GALNTL6: variants seen among roughly 807,000 people sequenced by gnomAD.
GALNTL6 encodes the protein polypeptide N-acetylgalactosaminyltransferase-like 6.
GALNTL6 carries 46 observed loss-of-function variants against 73.7 expected under a neutral mutation model. That is an observed-to-expected ratio of 0.62 (90% CI 0.49 to 0.80). GALNTL6 has a LOEUF of 0.80. GALNTL6 is among the 30% of genes least tolerant of loss of function. The probability of loss-of-function intolerance (pLI) is 0.00; values close to 1 mark genes in which losing one functional copy is unlikely to be tolerated. For missense variants in GALNTL6, 604 were observed against 755.0 expected (o/e 0.80, Z 2.34); for synonymous variants, 259 against 263.7 (o/e 0.98, Z 0.17).
chr4:172,770,459 T>A (rs1336962453), intron 5 of GALNTL6, among the ~76,000 whole-genome samples: 1 of 152,164 alleles, frequency 6.6e-6, no homozygotes, highest in East Asian at 1.9e-4. Context: ...ATGTTCAGGC[T>A]GCTATATCAG....
rs1248077137 is a variant in GALNTL6, at chr4:171,991,730, GTATATA to G, written c.138+177033_138+177038del. ...TGATTATATGTGTGTGTGTGTGTGT[GTATATA>G]TATATATATATATATATATACACAT... is the stretch of plus-strand genomic sequence containing the variant. On this transcript the variant is annotated intron_variant, in intron 2 of 12. Coordinates refer to ENST00000506823, the MANE Select transcript of GALNTL6 (RefSeq NM_001034845.3). 9.0e-4 allele frequency among the ~76,000 whole-genome samples: 88 copies of G among 98,158 alleles called. 1 individual carries two copies. Among genetic ancestry groups the G allele is most frequent in the African/African-American group, 4.6e-3 (80 of 17,256 alleles). The allele number at this position is 98,158 out of a possible 152,430, so 64.4% of individuals were successfully genotyped here. A position where few individuals can be genotyped will look rare whatever the true frequency, so the allele number is the denominator to read the frequency against.
chr4:172,647,325 C>G, intron 5 of GALNTL6, among the ~76,000 whole-genome samples: 1 of 152,074 alleles, frequency 6.6e-6, no homozygotes, highest in Non-Finnish European at 1.5e-5. Flanking sequence ...GGACACAGCT[C>G]AGGCCTCGAC....
At chr4:172,282,847 AAAAC>A (rs1272017067) in intron 3 of GALNTL6, among the ~76,000 whole-genome samples, 1 of 152,194 alleles carries the variant, frequency 6.6e-6, no homozygotes, top group Non-Finnish European at 1.5e-5. Context: ...CAAAGAAACA[AAAAC>A]AAACAGGAGA....
At chr4:172,948,782 T>C (rs73870318) in intron 9 of GALNTL6, among the ~76,000 whole-genome samples, 5,834 of 152,116 alleles carry the variant, frequency 0.038, 253 homozygotes, top group African/African-American at 0.1. Context: ...TTTGGAGTGT[T>C]TGAGAAATCA....
chr4:172,771,240 T>C (rs147839737), intron 5 of GALNTL6, among the ~76,000 whole-genome samples: 1 of 152,306 alleles, frequency 6.6e-6, no homozygotes, highest in African/African-American at 2.4e-5. Context: ...AAAACTTGCC[T>C]GAGATAATCT....
At chr4:172,312,738 G>C (rs886697311) in intron 4 of GALNTL6, among the ~76,000 whole-genome samples, 2 of 152,224 alleles carry the variant, frequency 1.3e-5, no homozygotes, top group South Asian at 4.1e-4. Flanking sequence ...AAAAATATCA[G>C]TACATTATGG....
At chr4:172,258,063 G>A (rs1305989833) in intron 3 of GALNTL6, among the ~76,000 whole-genome samples, 1 of 151,204 alleles carries the variant, frequency 6.6e-6, no homozygotes, top group Non-Finnish European at 1.5e-5. Context: ...CTTTAAAGTT[G>A]ATATTCTATA....
At chr4:172,492,840 T>C (rs972003004) in intron 5 of GALNTL6, among the ~76,000 whole-genome samples, 1 of 152,132 alleles carries the variant, frequency 6.6e-6, no homozygotes, top group Non-Finnish European at 1.5e-5. Flanking sequence ...TAAATAAAAG[T>C]CATGGTTGGG....
chr4:173,024,577 T>A (rs1753153653), intron 12 of GALNTL6, among the ~76,000 whole-genome samples: 1 of 151,994 alleles, frequency 6.6e-6, no homozygotes, highest in African/African-American at 2.4e-5. Flanking sequence ...TCTGGCAGTT[T>A]TAGATGTTTT....
At chr4:172,660,586 T>C (rs528595019) in intron 5 of GALNTL6, among the ~76,000 whole-genome samples, 1 of 152,284 alleles carries the variant, frequency 6.6e-6, no homozygotes. Flanking sequence ...AGTGAGTGAG[T>C]TATAGCAGCT....
chr4:171,990,844 T>C (rs1160949137), intron 2 of GALNTL6, among the ~76,000 whole-genome samples: 1 of 152,178 alleles, frequency 6.6e-6, no homozygotes, highest in Non-Finnish European at 1.5e-5. Flanking sequence ...AAAGCAAATA[T>C]TGTTTTAAAT....
intron 2 of GALNTL6, among the ~76,000 whole-genome samples, chr4:172,132,475 G>C (rs1733525291): frequency 6.6e-6 from 1 of 151,976 alleles, no homozygotes; most frequent in Non-Finnish European, 1.5e-5. Context: ...TTGGCTCTTT[G>C]TCATTTTCCT....
chr4:171,826,094 G>A (rs546775486), intron 2 of GALNTL6, among the ~76,000 whole-genome samples: 6 of 152,262 alleles, frequency 3.9e-5, no homozygotes, highest in South Asian at 2.1e-4. Flanking sequence ...TACCTGAAAA[G>A]AATCATTCCA....
chr4:172,825,381 C>T (rs1024063508), intron 7 of GALNTL6, among the ~76,000 whole-genome samples: 7 of 152,080 alleles, frequency 4.6e-5, no homozygotes, highest in Non-Finnish European at 1.0e-4. Context: ...ACCTTGAGGG[C>T]ACCTTCCCAC....
At position 172,511,962 on chromosome 4, in the gene GALNTL6, A is replaced by C. The variant is rs1228119447; in HGVS notation, c.553+163273A>C. On this transcript the variant is annotated intron_variant, in intron 5 of 12. Coordinates refer to ENST00000506823, the MANE Select transcript of GALNTL6 (RefSeq NM_001034845.3). ...AATATCTGTGAAGTCCATTTGTTCT[A>C]GGGTACAGTTTAAGTCCATTGTTCT... Among the ~76,000 whole-genome samples the C allele has an allele frequency of 3.6e-5, 2 of 55,040 alleles. 1 individual carries two copies. The highest frequency in any genetic ancestry group is 9.1e-5 in the African/African-American group (2 of 22,080). 36.1% of individuals were successfully genotyped at this position (55,040 alleles called of 152,430 possible).
chr4:172,501,403 T>C (rs528431307), intron 5 of GALNTL6, among the ~76,000 whole-genome samples: 1 of 152,276 alleles, frequency 6.6e-6, no homozygotes, highest in South Asian at 2.1e-4. Context: ...TTTGCTAGAC[T>C]TATTGTGGAT....
intron 2 of GALNTL6, among the ~76,000 whole-genome samples, chr4:172,183,816 C>T (rs1344390154): frequency 2.8e-4 from 37 of 131,452 alleles, no homozygotes; most frequent in East Asian, 9.9e-4. Flanking sequence ...TTTTTTGAGA[C>T]GGAGTCTCTC....
At chr4:172,604,283 A>G (rs1168383539) in intron 5 of GALNTL6, among the ~76,000 whole-genome samples, 2 of 152,218 alleles carry the variant, frequency 1.3e-5, no homozygotes, top group African/African-American at 2.4e-5. Flanking sequence ...AGTATATATT[A>G]CATATCTAGG....
chr4:173,037,736 T>G lies in GALNTL6; in HGVS notation c.1639-2197T>G, dbSNP rs112957947. On this transcript the variant is annotated intron_variant, in intron 12 of 12. Coordinates refer to ENST00000506823, the MANE Select transcript of GALNTL6 (RefSeq NM_001034845.3). ...GGGGAAATTGTGCTCATCTGGAGGG[T>G]CCACATGAGCATTTTTTTTTTTTTG... is the stretch of plus-strand genomic sequence containing the variant. Among the ~76,000 whole-genome samples, 956 of 151,628 alleles carry G rather than the reference T, an allele frequency of 6.3e-3. 5 individuals are homozygous for G. The highest frequency in any genetic ancestry group is 9.1e-3 in the Non-Finnish European group (616 of 67,886).
Sources: allele counts gnomAD v4.1 joint callset (sites outside exome capture counted in the v4.1 genomes callset), GRCh38; gene constraint gnomAD v4.1.1; transcripts MANE v1.5; gene names NCBI Gene and HGNC (gene_info 2026-07-23, HGNC 2026-07-21).